NTRK2: variants seen among roughly 807,000 people sequenced by gnomAD.
NTRK2 encodes the protein neurotrophic receptor tyrosine kinase 2.
NTRK2 carries 13 observed loss-of-function variants against 94.5 expected under a neutral mutation model. That is an observed-to-expected ratio of 0.14 (90% CI 0.09 to 0.22). The LOEUF is 0.22. Ranked by LOEUF, NTRK2 falls within the 10% of genes least tolerant of loss-of-function variation. The probability of loss-of-function intolerance (pLI) is 1.00; values close to 1 mark genes in which losing one functional copy is unlikely to be tolerated. For synonymous variants in NTRK2, 372 were observed against 407.4 expected, an observed-to-expected ratio of 0.91 and a Z score of 1.05; for missense variants, 639 against 1,071.2, an observed-to-expected ratio of 0.60 and a Z score of 5.63.
chr9:84,823,154 A>G (rs1019178172), intron 12 of NTRK2, among the ~76,000 whole-genome samples: 1 of 152,116 alleles, frequency 6.6e-6, no homozygotes, highest in Non-Finnish European at 1.5e-5. Context: ...AAAAAATGTA[A>G]TTTTTGAGCT....
Position 84,889,984 on chromosome 9 carries a change from T to C in NTRK2, c.1633+22553T>C, listed in dbSNP as rs74462790. ...TGGTAGTAGCAGCATTATAAAGATA[T>C]AAATGTCTGCTGTTTGGGGGCCTTA... On this transcript the variant is annotated intron_variant, in intron 14 of 18. Coordinates refer to ENST00000277120, the MANE Select transcript of NTRK2 (RefSeq NM_006180.6). Among the ~76,000 whole-genome samples the C allele has an allele frequency of 4.6e-3, 706 of 152,332 alleles. 12 individuals carry two copies. The highest frequency in any genetic ancestry group is 0.037 in the Admixed American group (573 of 15,298).
chr9:84,943,992 G>A (rs2078502156), intron 15 of NTRK2, among the ~76,000 whole-genome samples: 1 of 152,104 alleles, frequency 6.6e-6, no homozygotes, highest in African/African-American at 2.4e-5. Context: ...GGATGGGCAT[G>A]TTGGATGAGG....
At position 84,873,682 on chromosome 9, in the gene NTRK2, C is replaced by T. The variant is rs41282431; in HGVS notation, c.1633+6251C>T. On this transcript the variant is annotated intron_variant, in intron 14 of 18. Transcript: ENST00000277120. The stretch of plus-strand genomic sequence containing the variant: ...GTAAGCCATGTTATTATAAGCCGCA[C>T]TGAGATGAAGATTTGTTAGCAAACC... The T allele has an allele frequency of 6.8e-3, 7,154 of 1,055,660 alleles. 46 individuals are homozygous for T. The highest frequency in any genetic ancestry group is 0.035 in the South Asian group (757 of 21,850). The allele number at this position is 1,055,660 out of a possible 1,614,324, so 65.4% of individuals were successfully genotyped here.
intron 6 of NTRK2, among the ~76,000 whole-genome samples, chr9:84,718,022 C>T (rs1020772533): frequency 6.7e-6 from 1 of 149,896 alleles, no homozygotes. Context: ...TCTTCTTCTT[C>T]CTCTTCCCCT....
intron 14 of NTRK2, among the ~76,000 whole-genome samples, chr9:84,906,171 G>A (rs941780266): frequency 1.3e-5 from 2 of 152,102 alleles, no homozygotes; most frequent in Non-Finnish European, 2.9e-5. Flanking sequence ...GTAGTGTGAG[G>A]GAATGTGTAA....
intron 12 of NTRK2, among the ~76,000 whole-genome samples, chr9:84,843,757 C>T (rs2074315569): frequency 6.6e-6 from 1 of 152,142 alleles, no homozygotes; most frequent in Admixed American, 6.5e-5. Context: ...TAGAAGCTTT[C>T]TTTTAAGGAG....
intron 16 of NTRK2, among the ~76,000 whole-genome samples, chr9:84,951,261 T>C (rs1161260582): frequency 6.6e-6 from 1 of 152,216 alleles, no homozygotes; most frequent in East Asian, 1.9e-4. Context: ...ACAATCTTGA[T>C]GCATTATCCT....
At chr9:84,911,383 T>C (rs2077231018) in intron 14 of NTRK2, among the ~76,000 whole-genome samples, 1 of 152,146 alleles carries the variant, frequency 6.6e-6, no homozygotes, top group Non-Finnish European at 1.5e-5. Flanking sequence ...TTGGTAGAAT[T>C]CTCTAGTGAA....
At chr9:84,841,028 G>T (rs576383678) in intron 12 of NTRK2, among the ~76,000 whole-genome samples, 1 of 152,254 alleles carries the variant, frequency 6.6e-6, no homozygotes, top group Admixed American at 6.5e-5. Flanking sequence ...TGGGACTGTT[G>T]CTGAGCCCTG....
chr9:84,867,338 C>A lies in NTRK2; in HGVS notation c.1540C>A (p.Pro514Thr), dbSNP rs2132058839. 1 of 1,613,938 alleles carries A rather than the reference C, an allele frequency of 6.2e-7. No homozygotes were observed. Among genetic ancestry groups the A allele is most frequent in the Non-Finnish European group, 8.5e-7 (1 of 1,179,856 alleles). Residue 514 changes from proline to threonine, a missense_variant, in exon 14 of 19, where the codon CCA (proline) becomes ACA (threonine). Coordinates refer to ENST00000277120, the MANE Select transcript of NTRK2 (RefSeq NM_006180.6). The stretch of plus-strand genomic sequence containing the variant: ...CACTCCATCTTCTTCGGAAGGTGGC[C>A]CAGATGCTGTCATTATTGGAATGAC... ...SNTPSSSEGG[P>T]DAVIIGMTKI...
chr9:84,897,860 G>A (rs888469418), intron 14 of NTRK2, among the ~76,000 whole-genome samples: 2 of 152,114 alleles, frequency 1.3e-5, no homozygotes, highest in Non-Finnish European at 2.9e-5. Context: ...AACTGAAAAG[G>A]CCTGTGAGCA....
chr9:84,714,844 G>A (rs2061616092), intron 6 of NTRK2, among the ~76,000 whole-genome samples: 2 of 152,072 alleles, frequency 1.3e-5, no homozygotes, highest in South Asian at 4.1e-4. Flanking sequence ...AAACTTTTTA[G>A]CTAACTCTGA....
chr9:84,871,422 A>G (rs1040619554), intron 14 of NTRK2, among the ~76,000 whole-genome samples: 1 of 152,218 alleles, frequency 6.6e-6, no homozygotes, highest in Non-Finnish European at 1.5e-5. Flanking sequence ...CTCACAGTCT[A>G]CCACCTGGGT....
chr9:84,914,135 C>G (rs747167403), intron 14 of NTRK2, among the ~76,000 whole-genome samples: 15 of 151,958 alleles, frequency 9.9e-5, no homozygotes, highest in Non-Finnish European at 1.5e-4. Context: ...CTAAAATTTT[C>G]ATTTGGTTTT....
At chr9:84,852,695 A>G (rs2074840726) in intron 12 of NTRK2, among the ~76,000 whole-genome samples, 1 of 152,252 alleles carries the variant, frequency 6.6e-6, no homozygotes, top group African/African-American at 2.4e-5. Context: ...AATGAATAAA[A>G]TGTAGACTCA....
chr9:84,987,641 C>A (rs192383724), intron 17 of NTRK2, among the ~76,000 whole-genome samples: 4 of 152,206 alleles, frequency 2.6e-5, no homozygotes, highest in Admixed American at 2.6e-4. Context: ...GAAGCATTAA[C>A]TAAGCAATGG....
intron 17 of NTRK2, among the ~76,000 whole-genome samples, chr9:85,018,170 G>A (rs992733640): frequency 6.6e-6 from 1 of 152,098 alleles, no homozygotes; most frequent in African/African-American, 2.4e-5. Flanking sequence ...ATAATTGCCA[G>A]GAGCAATTTC....
chr9:84,873,040 C>A (rs2075923787), intron 14 of NTRK2: 2 of 1,063,318 alleles, frequency 1.9e-6, no homozygotes, highest in African/African-American at 1.6e-5. Flanking sequence ...ACATCCAGGA[C>A]CCCAGAAGCT....
chr9:84,971,459 A>T (rs1408471604), intron 17 of NTRK2, among the ~76,000 whole-genome samples: 1 of 152,184 alleles, frequency 6.6e-6, no homozygotes, highest in Non-Finnish European at 1.5e-5. Context: ...CTCTGGGAAG[A>T]CTGAGGAGGG....
Sources: allele counts gnomAD v4.1 joint callset (sites outside exome capture counted in the v4.1 genomes callset), GRCh38; gene constraint gnomAD v4.1.1; transcripts MANE v1.5; gene names NCBI Gene and HGNC (gene_info 2026-07-23, HGNC 2026-07-21).